Variants in LAS1L observed in about 807,000 individuals in gnomAD.
The protein encoded by LAS1L is ribosomal biogenesis protein LAS1L.
Under a neutral mutation model 57.3 loss-of-function variants are expected in LAS1L, and 5 were observed. That is an observed-to-expected ratio of 0.09 (90% CI 0.05 to 0.18). The LOEUF (loss-of-function observed/expected upper bound fraction) is 0.18. Among genes scored for constraint, LAS1L ranks in the 10% least tolerant of loss-of-function variants. The pLI, the probability that LAS1L is intolerant of heterozygous loss-of-function variation, is 1.00. For synonymous variants in LAS1L, 245 were observed against 231.7 expected (o/e 1.06, Z -0.52); for missense variants, 360 against 568.3 (o/e 0.63, Z 3.73).
chrX:65,515,065 C>G, intron 12 of LAS1L, 92 bp from the exon 13 acceptor site: 1 of 891,045 alleles, frequency 1.1e-6, no homozygotes, highest in Non-Finnish European at 1.6e-6. Flanking sequence ...CCACCCACCC[C>G]ACTTAGCACA....
At chrX:65,514,421 G>A (rs1392777456) in intron 13 of LAS1L, among the ~76,000 whole-genome samples, 1 of 110,622 alleles carries the variant, frequency 9.0e-6, no homozygotes, top group African/African-American at 3.3e-5. Flanking sequence ...CCTCAGTAAC[G>A]TGAAAAAGCT....
chrX:65,516,891 T>C (rs2068655830), intron 12 of LAS1L, among the ~76,000 whole-genome samples: 2 of 110,435 alleles, frequency 1.8e-5, no homozygotes, highest in Admixed American at 9.7e-5. Flanking sequence ...GGCCATAGTA[T>C]CTTTCTCTAT....
intron 6 of LAS1L, 133 bp downstream of exon 6, chrX:65,529,079 T>C: frequency 1.8e-6 from 1 of 565,150 alleles, no homozygotes; most frequent in Non-Finnish European, 3.1e-6. Context: ...CCCCTCTCTC[T>C]TTCCGAGAAG....
intron 10 of LAS1L, 63 bp from the exon 11 acceptor site, chrX:65,523,770 T>C: frequency 9.2e-7 from 1 of 1,090,898 alleles, no homozygotes; most frequent in African/African-American, 1.9e-5. Context: ...ACATTTCACC[T>C]CAGAAAGTTT....
intron 11 of LAS1L, chrX:65,521,101 C>T: frequency 1.5e-5 from 11 of 738,059 alleles, no homozygotes; most frequent in Non-Finnish European, 1.7e-5. Flanking sequence ...GAAGTCTTGC[C>T]TTGACTGACT....
At position 65,512,785 on chromosome X, in the gene LAS1L, T is replaced by C; in HGVS notation, c.2195A>G (p.Gln732Arg). ...CACCAGGGATGGCCATCAGAAGAGC[T>C]GCAGGCCAGTTTTGAGCCCATGCAG... ...GQLHGLKTGL[Q>R]LF The change falls in exon 14 of 14, where the codon CAG becomes CGG. Residue 732 changes from glutamine to arginine, a missense_variant. Physicochemically the swap from Gln to Arg is conservative, Grantham distance 43 (BLOSUM62 1). Transcript: ENST00000374811. 1 of 1,167,983 alleles carries C rather than the reference T, an allele frequency of 8.6e-7. No homozygotes were observed.
intron 10 of LAS1L, 80 bp from the exon 11 acceptor site, chrX:65,523,787 G>A: frequency 3.8e-6 from 4 of 1,041,736 alleles, no homozygotes; most frequent in Non-Finnish European, 3.9e-6. Flanking sequence ...GTTTGGCTCT[G>A]TCCCTCCCCA....
chrX:65,531,278 G>A, intron 4 of LAS1L, 79 bp downstream of exon 4: 1 of 689,864 alleles, frequency 1.4e-6, no homozygotes, highest in Admixed American at 2.6e-5. Flanking sequence ...AGACCCTCCT[G>A]CCTATCCCTC....
chrX:65,521,782 GAC>G (rs755863077), intron 11 of LAS1L: 95 of 111,415 alleles, frequency 8.5e-4, no homozygotes, highest in Non-Finnish European at 1.2e-3. Flanking sequence ...CAATGCAGCA[GAC>G]ACAGAGACTG....
Position 65,512,665 on chromosome X carries a change from T to C in LAS1L, c.*110A>G. ...CCCCTGTGGTGGACAACTGAGTTGA[T>C]GTGGCTGATCCAGGCTGTCTCCCAG... On this transcript the variant is annotated 3_prime_UTR_variant, in exon 14 of 14. Coordinates refer to ENST00000374811, the MANE Select transcript of LAS1L (RefSeq NM_031206.7). 1.1e-6 allele frequency: 1 copy of C among 887,511 alleles called. No individual in the cohort carries two copies. Among genetic ancestry groups the C allele is most frequent in the East Asian group, 3.5e-5 (1 of 28,873 alleles). The allele number at this position is 887,511 out of a possible 1,213,427, so 73.1% of individuals were successfully genotyped here. A position where few individuals can be genotyped will look rare whatever the true frequency, so the allele number is the denominator to read the frequency against.
intron 13 of LAS1L, 54 bp from the exon 14 acceptor site, chrX:65,512,955 G>A (rs2068498890): frequency 1.8e-6 from 2 of 1,090,780 alleles, no homozygotes; most frequent in East Asian, 3.3e-5. Context: ...AGGCTCTGGA[G>A]GGGCCAAGAG....
chrX:65,523,425 T>C, intron 11 of LAS1L, 135 bp downstream of exon 11: 5 of 628,983 alleles, frequency 7.9e-6, no homozygotes, highest in Non-Finnish European at 1.2e-5. Flanking sequence ...GACTCAGTTG[T>C]CCCATCTGTC....
intron 11 of LAS1L, chrX:65,521,377 C>T: frequency 1.8e-6 from 1 of 540,758 alleles, no homozygotes; most frequent in Non-Finnish European, 2.3e-6. Flanking sequence ...TGTGCTAGGG[C>T]ACGGACAGCT....
rs1200858242 is a variant in LAS1L at position 65,534,700 on chromosome X, C to G, written c.16G>C (p.Gly6Arg). 2.6e-6 allele frequency: 3 copies of G among 1,167,157 alleles called. No individual in the cohort carries two copies. The highest frequency in any genetic ancestry group is 3.4e-6 in the Non-Finnish European group (3 of 872,958). The change falls in exon 1 of 14, where the codon GGG (glycine) becomes CGG (arginine). Residue 6 changes from glycine (G) to arginine (R), a missense_variant. Gly to Arg is a moderately radical substitution (Grantham distance 125, BLOSUM62 -2). This residue lies in a region of LAS1L where 36 missense variants were observed against 27.9 expected (regional missense o/e 1.29). Transcript: ENST00000374811. MSWES[G>R]AGPGLGSQGM... is the part of the protein sequence containing the mutation. ...TGGGAACCTAGACCTGGCCCGGCCC[C>G]GGATTCCCACGACATACTGAGCTCA...
At chrX:65,531,589 G>T in intron 3 of LAS1L, 151 bp from the exon 4 acceptor site, 1 of 433,994 alleles carries the variant, frequency 2.3e-6, no homozygotes, top group Non-Finnish European at 4.0e-6. Context: ...CACAGTGACA[G>T]AGCCAAGAAA....
chrX:65,514,250 C>T (rs1341611981), intron 13 of LAS1L, among the ~76,000 whole-genome samples: 2 of 111,068 alleles, frequency 1.8e-5, no homozygotes, highest in East Asian at 2.8e-4. Flanking sequence ...CCTGGTGACC[C>T]AAGGGCTCCC....
At position 65,518,010 on chromosome X, in the gene LAS1L, C is replaced by T. The variant is rs754992775; in HGVS notation, c.1904G>A (p.Gly635Asp). The change falls in exon 12 of 14, where the codon GGC (glycine) becomes GAC (aspartate). Residue 635 changes from glycine to aspartate, a missense_variant. By Grantham distance (94) the Gly-to-Asp change is moderately conservative. Coordinates refer to ENST00000374811, the MANE Select transcript of LAS1L (RefSeq NM_031206.7). ...ACCTGAGCTAACCTGCCATGCAGAG[C>T]CCTGCAAAGCTCCTCTTTTCTGGGC... ...LLAQKRGALQGSAWQVSSEDV... is the reference protein window; with the variant it reads ...LLAQKRGALQDSAWQVSSEDV... 2.4e-5 allele frequency: 29 copies of T among 1,206,224 alleles called. No individual in the cohort carries two copies. The highest frequency in any genetic ancestry group is 3.0e-5 in the Non-Finnish European group (27 of 893,442).
intron 13 of LAS1L, among the ~76,000 whole-genome samples, chrX:65,514,165 T>G (rs2068542710): frequency 8.9e-6 from 1 of 112,114 alleles, no homozygotes; most frequent in Non-Finnish European, 1.9e-5. Flanking sequence ...CATTCTGGAA[T>G]GTACAGGCCC....
intron 7 of LAS1L, among the ~76,000 whole-genome samples, chrX:65,527,210 C>CAAAAAAAAAAAAAAAAAAAA (rs869258564): frequency 9.1e-5 from 1 of 11,002 alleles, no homozygotes; most frequent in African/African-American, 1.8e-4. Context: ...AACTCTGTCT[C>CAAAAAAAAAAAAAAAAAAAA]AAAAAAAAAA....
Sources: allele counts gnomAD v4.1 joint callset (sites outside exome capture counted in the v4.1 genomes callset), GRCh38; gene constraint gnomAD v4.1.1; regional missense constraint gnomAD v4.1.1; transcripts MANE v1.5; gene names NCBI Gene and HGNC (gene_info 2026-07-23, HGNC 2026-07-21).